LAMA2: variants seen among roughly 807,000 people sequenced by gnomAD.
The protein encoded by LAMA2 is laminin subunit alpha 2, also known as laminin subunit alpha-2.
Under a neutral mutation model 364.8 loss-of-function variants are expected in LAMA2, and 269 were observed. The ratio of observed to expected loss-of-function variants is 0.74; its 90% confidence interval spans 0.67 to 0.82. The LOEUF (loss-of-function observed/expected upper bound fraction) is 0.82, where lower values mean the gene tolerates loss of function less well. Ranked by LOEUF, LAMA2 falls within the 40% of genes least tolerant of loss-of-function variation. LAMA2 has a pLI of 0.00. For missense variants in LAMA2, 3,807 were observed against 3,873.2 expected (o/e 0.98, Z 0.45); for synonymous variants, 1,379 against 1,370.6 (o/e 1.01, Z -0.14).
chr6:129,296,678 A>G (rs528553739), intron 20 of LAMA2, among the ~76,000 whole-genome samples: 1 of 152,072 alleles, frequency 6.6e-6, no homozygotes, highest in African/African-American at 2.4e-5. Context: ...TTTTTTACCA[A>G]GAAGCAATTA....
chr6:129,176,063 A>G (rs908565769), intron 9 of LAMA2, among the ~76,000 whole-genome samples: 4 of 151,946 alleles, frequency 2.6e-5, no homozygotes, highest in Non-Finnish European at 5.9e-5. Flanking sequence ...ATTTAAGCCT[A>G]TAAGTTTACT....
In LAMA2 at chr6:129,342,483, A is replaced by T. The variant is rs1481828495; in HGVS notation, c.4436+16A>T. ...CCAGTAACAAGTAAGATTGAGAAATATAACCATATTTCCCAATCAGAAACG... is the reference window on the plus strand; with the variant it reads ...CCAGTAACAAGTAAGATTGAGAAATTTAACCATATTTCCCAATCAGAAACG... On this transcript the variant is annotated intron_variant, in intron 30 of 64. Coordinates refer to ENST00000421865, the MANE Select transcript of LAMA2 (RefSeq NM_000426.4). The T allele has an allele frequency of 6.2e-7, 1 of 1,611,614 alleles. No individual in the cohort carries two copies. The highest frequency in any genetic ancestry group is 1.3e-5 in the African/African-American group (1 of 74,972).
At position 129,505,104 on chromosome 6, in the gene LAMA2, T is replaced by A. The variant is rs577879660; in HGVS notation, c.8548-96T>A. ...TAAGCACTGTGTACATTGTTTCAAT[T>A]TTTCTTGGTAACATCGTTAGAGTCC... On this transcript the variant is annotated intron_variant, in intron 60 of 64. Transcript: ENST00000421865. The A allele has an allele frequency of 5.4e-6, 6 of 1,119,062 alleles. No homozygotes were observed. The East Asian group carries it at 1.2e-4, about 22-fold the overall frequency. The allele number at this position is 1,119,062 out of a possible 1,614,324, so 69.3% of individuals were successfully genotyped here.
intron 58 of LAMA2, among the ~76,000 whole-genome samples, chr6:129,499,631 T>A (rs1291081124): frequency 6.6e-6 from 1 of 152,132 alleles, no homozygotes; most frequent in Non-Finnish European, 1.5e-5. Context: ...GATGAGCAGC[T>A]CCACCCACTG....
At chr6:129,024,822 A>C (rs781125433) in intron 1 of LAMA2, among the ~76,000 whole-genome samples, 16 of 152,082 alleles carry the variant, frequency 1.1e-4, no homozygotes, top group Non-Finnish European at 2.2e-4. Flanking sequence ...GGTGGCATGC[A>C]CATGTAATCC....
intron 4 of LAMA2, among the ~76,000 whole-genome samples, chr6:129,099,116 T>A (rs1014804897): frequency 1.5e-5 from 1 of 67,136 alleles, no homozygotes; most frequent in Non-Finnish European, 3.8e-5. Flanking sequence ...GCGGGGAGGT[T>A]TTTTTTTTGT....
chr6:129,032,539 A>C (rs1786311748), intron 1 of LAMA2, among the ~76,000 whole-genome samples: 3 of 152,334 alleles, frequency 2.0e-5, no homozygotes, highest in African/African-American at 7.2e-5. Context: ...GAATGTGATC[A>C]GAGGACATTG....
At chr6:129,174,989 C>T (rs1441262367) in intron 9 of LAMA2, among the ~76,000 whole-genome samples, 4 of 152,142 alleles carry the variant, frequency 2.6e-5, no homozygotes, top group Non-Finnish European at 5.9e-5. Context: ...AGTACTTCTA[C>T]ATTTAGCCTC....
chr6:129,253,896 G>A (rs1178449604), intron 14 of LAMA2, among the ~76,000 whole-genome samples: 2 of 152,170 alleles, frequency 1.3e-5, no homozygotes, highest in African/African-American at 4.8e-5. Flanking sequence ...AATCCAAGTA[G>A]GTGGCTACTT....
intron 27 of LAMA2, among the ~76,000 whole-genome samples, chr6:129,316,731 G>T (rs1255651246): frequency 2.6e-5 from 4 of 152,190 alleles, no homozygotes; most frequent in Non-Finnish European, 5.9e-5. Flanking sequence ...AATACTTCAA[G>T]GGAGTATTCC....
chr6:129,156,825 G>GCA (rs1247022192), intron 8 of LAMA2, among the ~76,000 whole-genome samples: 1 of 152,100 alleles, frequency 6.6e-6, no homozygotes, highest in Non-Finnish European at 1.5e-5. Context: ...TGGTGGGGAA[G>GCA]CTATCTCACT....
chr6:128,925,171 C>A (rs911645162), intron 1 of LAMA2, among the ~76,000 whole-genome samples: 5 of 152,026 alleles, frequency 3.3e-5, no homozygotes, highest in Non-Finnish European at 7.4e-5. Context: ...TGGGAATATG[C>A]CCCAAATAAT....
At chr6:128,958,685 AAGG>A (rs1781295829) in intron 1 of LAMA2, among the ~76,000 whole-genome samples, 1 of 152,170 alleles carries the variant, frequency 6.6e-6, no homozygotes, top group African/African-American at 2.4e-5. Flanking sequence ...TTGTATTTTA[AAGG>A]AGATTAAATA....
chr6:128,929,560 T>A (rs1472602881), intron 1 of LAMA2: 1 of 1,021,952 alleles, frequency 9.8e-7, no homozygotes, highest in East Asian at 2.4e-5. Flanking sequence ...ATCTCCATAG[T>A]CATGAGACTT....
intron 10 of LAMA2, among the ~76,000 whole-genome samples, chr6:129,186,487 G>GTATTTATT (rs60517505): frequency 2.9e-4 from 44 of 150,714 alleles, no homozygotes; most frequent in African/African-American, 5.6e-4. Flanking sequence ...TTTACTGTGT[G>GTATTTATT]TATTTATTTA....
chr6:129,340,778 G>C (rs373270680), intron 29 of LAMA2, among the ~76,000 whole-genome samples: 9 of 142,998 alleles, frequency 6.3e-5, no homozygotes, highest in East Asian at 4.2e-4. Flanking sequence ...AGAGGTTGCA[G>C]TGAGCCAAGA....
intron 2 of LAMA2, among the ~76,000 whole-genome samples, chr6:129,053,383 G>A (rs537435999): frequency 1.3e-5 from 2 of 152,228 alleles, no homozygotes; most frequent in East Asian, 1.9e-4. Flanking sequence ...TGAATTTCTC[G>A]GATGTAAGTT....
At chr6:129,200,978 A>G (rs1782249479) in intron 12 of LAMA2, among the ~76,000 whole-genome samples, 1 of 152,236 alleles carries the variant, frequency 6.6e-6, no homozygotes, top group Non-Finnish European at 1.5e-5. Flanking sequence ...ACAAACCTTT[A>G]TAAAGACAAC....
chr6:129,128,654 T>A (rs1204701502), intron 4 of LAMA2, among the ~76,000 whole-genome samples: 1 of 152,250 alleles, frequency 6.6e-6, no homozygotes, highest in Non-Finnish European at 1.5e-5. Context: ...CATTTATTCA[T>A]GCCTTCTTCA....
Sources: gnomAD v4.1 joint callset for allele counts (sites outside exome capture counted in the v4.1 genomes callset) on GRCh38, gnomAD v4.1.1 for gene constraint, MANE v1.5 for transcripts, NCBI Gene and HGNC (gene_info 2026-07-23, HGNC 2026-07-21) for gene names.